PCDH11X: variants seen among roughly 807,000 people sequenced by gnomAD.
PCDH11X encodes protocadherin 11 X-linked, also known as protocadherin-11 X-linked.
Under a neutral mutation model 53.3 loss-of-function variants are expected in PCDH11X, and 18 were observed. That is an observed-to-expected ratio of 0.34 (90% CI 0.23 to 0.50). The LOEUF (loss-of-function observed/expected upper bound fraction) is 0.50, where lower values mean the gene tolerates loss of function less well. Among genes scored for constraint, PCDH11X ranks in the 20% least tolerant of loss-of-function variants. The pLI, the probability that PCDH11X is intolerant of heterozygous loss-of-function variation, is 0.98. For synonymous variants in PCDH11X, 279 were observed against 393.3 expected (o/e 0.71, Z 3.44); for missense variants, 570 against 1,032.4 (o/e 0.55, Z 6.14).
chrX:92,032,134 T>C (rs2063060759), intron 6 of PCDH11X, among the ~76,000 whole-genome samples: 1 of 111,528 alleles, frequency 9.0e-6, no homozygotes, highest in South Asian at 3.7e-4. Context: ...TGTCTTTCCA[T>C]TTTTTTTGTC....
At chrX:92,506,701 T>A (rs1458807920) in intron 10 of PCDH11X, among the ~76,000 whole-genome samples, 1 of 106,373 alleles carries the variant, frequency 9.4e-6, no homozygotes, top group African/African-American at 3.4e-5. Flanking sequence ...TGAAATTTAT[T>A]TTTTTGGTTG....
At chrX:91,800,387 C>A (rs1226386020) in intron 1 of PCDH11X, among the ~76,000 whole-genome samples, 3 of 107,201 alleles carry the variant, frequency 2.8e-5, no homozygotes, top group African/African-American at 1.0e-4. Context: ...GGAATATGTG[C>A]TTTGGCTCTT....
At chrX:91,934,490 G>T (rs945604090) in intron 6 of PCDH11X, among the ~76,000 whole-genome samples, 1 of 110,594 alleles carries the variant, frequency 9.0e-6, no homozygotes, top group Non-Finnish European at 1.9e-5. Context: ...ACAACACTCC[G>T]CTGTTAACTA....
intron 5 of PCDH11X, among the ~76,000 whole-genome samples, chrX:91,876,505 C>T (rs1286008278): frequency 9.0e-6 from 1 of 110,927 alleles, no homozygotes; most frequent in African/African-American, 3.3e-5. Flanking sequence ...AGAACATCTT[C>T]TAGTACAGTT....
chrX:92,326,258 T>C (rs1470366195), intron 8 of PCDH11X, among the ~76,000 whole-genome samples: 2 of 109,282 alleles, frequency 1.8e-5, no homozygotes, highest in Non-Finnish European at 3.8e-5. Flanking sequence ...CCTTGCAGCA[T>C]GGTAGACTCG....
chrX:92,534,168 C>T (rs1432826436), intron 10 of PCDH11X, among the ~76,000 whole-genome samples: 10 of 109,099 alleles, frequency 9.2e-5, no homozygotes, highest in Non-Finnish European at 1.3e-4. Flanking sequence ...AAATATTAGA[C>T]GAATAGCTAA....
chrX:92,560,015 G>A (rs1364288901), intron 10 of PCDH11X, among the ~76,000 whole-genome samples: 1 of 111,319 alleles, frequency 9.0e-6, no homozygotes, highest in Non-Finnish European at 1.9e-5. Flanking sequence ...CCCAAGCCCA[G>A]ACAGTGCAGC....
intron 8 of PCDH11X, among the ~76,000 whole-genome samples, chrX:92,271,861 T>A (rs766918658): frequency 8.0e-5 from 9 of 112,272 alleles, no homozygotes; most frequent in Non-Finnish European, 1.5e-4. Context: ...CATGAAGAAC[T>A]CTTTATTATC....
At chrX:91,980,652 C>T (rs1357936943) in intron 6 of PCDH11X, among the ~76,000 whole-genome samples, 1 of 105,714 alleles carries the variant, frequency 9.5e-6, no homozygotes, top group East Asian at 3.0e-4. Flanking sequence ...CCTTGCTGGT[C>T]TCCAACTCCT....
At chrX:92,436,355 G>C (rs2072374272) in intron 9 of PCDH11X, among the ~76,000 whole-genome samples, 1 of 111,475 alleles carries the variant, frequency 9.0e-6, no homozygotes, top group African/African-American at 3.3e-5. Context: ...GAAAAAAAGG[G>C]AACACTTATA....
chrX:92,484,169 ATATATATGTATGTATATATATG>A (rs1441660342), intron 10 of PCDH11X, among the ~76,000 whole-genome samples: 5 of 38,265 alleles, frequency 1.3e-4, no homozygotes, highest in Middle Eastern at 0.012. Context: ...GTATATATGT[ATATATATGTATGTATATATATG>A]TATATATGTA....
intron 8 of PCDH11X, among the ~76,000 whole-genome samples, chrX:92,274,469 TGCGGTG>T (rs1195586628): frequency 9.0e-6 from 1 of 110,927 alleles, no homozygotes; most frequent in Non-Finnish European, 1.9e-5. Flanking sequence ...AAGAAATGAC[TGCGGTG>T]GCCTTCTCAG....
intron 6 of PCDH11X, among the ~76,000 whole-genome samples, chrX:92,058,785 C>T (rs1048459026): frequency 9.4e-6 from 1 of 106,426 alleles, no homozygotes; most frequent in African/African-American, 3.4e-5. Context: ...AAAACAGAAC[C>T]GAATAAATAT....
chrX:92,235,037 T>C (rs756034033), intron 7 of PCDH11X, among the ~76,000 whole-genome samples: 24 of 110,259 alleles, frequency 2.2e-4, no homozygotes. Context: ...GTCCATATGA[T>C]TACAATAAAA....
chrX:92,083,186 A>C (rs1477243647), intron 6 of PCDH11X, among the ~76,000 whole-genome samples: 1 of 111,850 alleles, frequency 8.9e-6, no homozygotes, highest in Non-Finnish European at 1.9e-5. Context: ...GGTTGGATGG[A>C]ACTGTGTCAG....
At chrX:92,103,008 G>C (rs1008106490) in intron 6 of PCDH11X, among the ~76,000 whole-genome samples, 1 of 110,773 alleles carries the variant, frequency 9.0e-6, no homozygotes, top group Non-Finnish European at 1.9e-5. Context: ...AGCGGGGTAA[G>C]GGTGATTAGG....
chrX:92,453,607 G>T (rs1237251262), intron 9 of PCDH11X, among the ~76,000 whole-genome samples: 2 of 110,852 alleles, frequency 1.8e-5, no homozygotes, highest in South Asian at 7.5e-4. Flanking sequence ...TTTATGGTAC[G>T]ACATACAGTG....
chrX:92,124,565 C>T (rs1365857867), intron 6 of PCDH11X, among the ~76,000 whole-genome samples: 1 of 107,680 alleles, frequency 9.3e-6, no homozygotes, highest in Non-Finnish European at 1.9e-5. Context: ...AAAAAATAGG[C>T]CTAGTATAAT....
At chrX:92,576,601 G>T (rs1389177136) in intron 10 of PCDH11X, among the ~76,000 whole-genome samples, 2 of 106,618 alleles carry the variant, frequency 1.9e-5, no homozygotes, top group Non-Finnish European at 3.9e-5. Context: ...ATTACCACGA[G>T]GCTTGTAAAT....
Sources: gnomAD v4.1 joint callset for allele counts (sites outside exome capture counted in the v4.1 genomes callset) on GRCh38, gnomAD v4.1.1 for gene constraint, MANE v1.5 for transcripts, NCBI Gene and HGNC (gene_info 2026-07-23, HGNC 2026-07-21) for gene names.